Variants in KIDINS220 observed in about 807,000 individuals in gnomAD.
KIDINS220 encodes kinase D-interacting substrate of 220 kDa.
KIDINS220 carries 63 observed loss-of-function variants against 157.6 expected under a neutral mutation model. The ratio of observed to expected loss-of-function variants is 0.40; its 90% CI spans 0.33 to 0.49. The LOEUF (loss-of-function observed/expected upper bound fraction) is 0.49, where lower values mean the gene tolerates loss of function less well. Ranked by LOEUF, KIDINS220 falls within the 20% of genes least tolerant of loss-of-function variation. The pLI, the probability that KIDINS220 is intolerant of heterozygous loss-of-function variation, is 0.66. For synonymous variants in KIDINS220, 732 were observed against 783.6 expected, an observed-to-expected ratio of 0.93 and a Z score of 1.10; for missense variants, 1,772 against 2,171.2, an observed-to-expected ratio of 0.82 and a Z score of 3.65.
chr2:8,786,285 G>A lies in KIDINS220; in HGVS notation c.1860C>T (p.Thr620=). The change falls in exon 16 of 30, where the codon ACC becomes ACT. Residue 620 remains threonine (T), a synonymous_variant. Coordinates refer to ENST00000256707, the MANE Select transcript of KIDINS220 (RefSeq NM_020738.4). The part of the protein sequence containing the change: ...GETSLAEMIA[T]LSDACEREFG... ...ACTCTCTTTCACAAGCATCCGAGAG[G>A]GTTGCAATCATTTCAGCCAGAGAAG... 2.5e-6 allele frequency: 4 copies of A among 1,614,018 alleles called. No homozygotes were observed. Among genetic ancestry groups the A allele is most frequent in the Non-Finnish European group, 3.4e-6 (4 of 1,179,952 alleles).
chr2:8,759,523 A>AT (rs1668475270), intron 22 of KIDINS220, among the ~76,000 whole-genome samples: 1 of 150,408 alleles, frequency 6.6e-6, no homozygotes, highest in South Asian at 2.2e-4. Context: ...ACTCAGTAGA[A>AT]TGTCATCATA....
chr2:8,804,364 T>C (rs560978579), intron 7 of KIDINS220, among the ~76,000 whole-genome samples: 4 of 152,372 alleles, frequency 2.6e-5, no homozygotes, highest in African/African-American at 9.6e-5. Context: ...GTCTGTATTA[T>C]TTTAACTGTT....
At position 8,790,072 on chromosome 2, in the gene KIDINS220, T is replaced by G; in HGVS notation, c.1442-13A>C. 1.3e-6 allele frequency: 2 copies of G among 1,579,828 alleles called. No individual in the cohort carries two copies. The highest frequency in any genetic ancestry group is 1.4e-5 in the African/African-American group (1 of 72,800). On this transcript the variant is annotated splice_polypyrimidine_tract_variant and intron_variant, in intron 13 of 29. Transcript: ENST00000256707. ...GTTTTCATTTCGTCTGAAAGAGAATTTAATACGAAACCTTATTCCTGTTTT... is the reference window on the plus strand; with the variant it reads ...GTTTTCATTTCGTCTGAAAGAGAATGTAATACGAAACCTTATTCCTGTTTT...
chr2:8,819,260 C>T (rs1050705443), intron 2 of KIDINS220, among the ~76,000 whole-genome samples: 1 of 152,112 alleles, frequency 6.6e-6, no homozygotes, highest in African/African-American at 2.4e-5. Context: ...ATGTATAATA[C>T]ACATATGTAG....
chr2:8,735,886 C>T (rs1664787391), intron 27 of KIDINS220, among the ~76,000 whole-genome samples: 1 of 152,172 alleles, frequency 6.6e-6, no homozygotes, highest in Non-Finnish European at 1.5e-5. Context: ...GGGGAGAAAA[C>T]CACTACCCCG....
chr2:8,837,349 C>G (rs1680578749), intron 1 of KIDINS220, 131 bp downstream of exon 1: 1 of 152,176 alleles, frequency 6.6e-6, no homozygotes, highest in South Asian at 2.1e-4. Context: ...GGTCCGAGCT[C>G]GCCCCTTCCG....
intron 28 of KIDINS220, 118 bp downstream of exon 28, chr2:8,734,536 GA>G: frequency 1.6e-6 from 1 of 636,520 alleles, no homozygotes; most frequent in Non-Finnish European, 2.5e-6. Flanking sequence ...AAAAAAATAT[GA>G]AAAAAATACC....
intron 6 of KIDINS220, among the ~76,000 whole-genome samples, chr2:8,807,255 C>T (rs1675582132): frequency 6.6e-6 from 1 of 152,208 alleles, no homozygotes; most frequent in Non-Finnish European, 1.5e-5. Flanking sequence ...ATTCAAAAGG[C>T]ATCCAGGAAT....
At chr2:8,824,331 T>C (rs1678431312) in intron 2 of KIDINS220, among the ~76,000 whole-genome samples, 1 of 152,196 alleles carries the variant, frequency 6.6e-6, no homozygotes, top group South Asian at 2.1e-4. Context: ...TAACATTAAA[T>C]GATATTAGGT....
intron 21 of KIDINS220, among the ~76,000 whole-genome samples, chr2:8,772,432 C>T (rs1439422122): frequency 1.3e-5 from 2 of 151,858 alleles, no homozygotes; most frequent in African/African-American, 4.8e-5. Context: ...GCCAAGATCA[C>T]ACCACCGCAC....
Position 8,749,161 on chromosome 2 carries a change from TTA to T in KIDINS220, c.3414+949_3414+950del, listed in dbSNP as rs772587266. On this transcript the variant is annotated intron_variant, in intron 24 of 29. Coordinates refer to ENST00000256707, the MANE Select transcript of KIDINS220 (RefSeq NM_020738.4). ...GACTCTTTAAACAGTACCTAATTACTTATATGGCCACCATTTTTCAAAAACTG... is the reference window on the plus strand; with the variant it reads ...GACTCTTTAAACAGTACCTAATTACTTATGGCCACCATTTTTCAAAAACTG... Among the ~76,000 whole-genome samples, 194 of 152,356 alleles carry T rather than the reference TTA, an allele frequency of 1.3e-3. 2 individuals are homozygous for T. The highest frequency in any genetic ancestry group is 4.0e-4 in the Non-Finnish European group (27 of 68,016).
At position 8,812,510 on chromosome 2, in the gene KIDINS220, G is replaced by A. The variant is rs770987912; in HGVS notation, c.406-17C>T. 3 of 1,456,188 alleles carry A rather than the reference G, an allele frequency of 2.1e-6. No homozygotes were observed. The highest frequency in any genetic ancestry group is 1.4e-5 in the African/African-American group (1 of 69,660). 90.2% of individuals were successfully genotyped at this position (1,456,188 alleles called of 1,614,324 possible). A position where few individuals can be genotyped will look rare whatever the true frequency, so the allele number is the denominator to read the frequency against. On this transcript the variant is annotated splice_polypyrimidine_tract_variant and intron_variant, in intron 5 of 29. Coordinates refer to ENST00000256707, the MANE Select transcript of KIDINS220 (RefSeq NM_020738.4). ...AACACTGTACTGCTAGGATAGATTG[G>A]TTGGTAGGTAGGTAGATAAGTAGGA...
chr2:8,797,317 T>G (rs1411179336), intron 10 of KIDINS220, among the ~76,000 whole-genome samples: 2 of 152,206 alleles, frequency 1.3e-5, no homozygotes, highest in Non-Finnish European at 2.9e-5. Flanking sequence ...ACAAGCAGTA[T>G]GCCTTCAGAA....
rs1346341588 is a variant in KIDINS220 at position 8,798,262 on chromosome 2, T to C, written c.939A>G (p.Gly313=). The C allele has an allele frequency of 6.2e-7, 1 of 1,612,276 alleles. No individual in the cohort carries two copies. Among genetic ancestry groups the C allele is most frequent in the Non-Finnish European group, 8.5e-7 (1 of 1,178,526 alleles). The stretch of plus-strand genomic sequence containing the variant: ...AGATATCTCTCACCATTGTTGCATT[T>C]CCTTTCTCAACAGCCCAATACAAAG... The part of the protein sequence containing the change: ...KTALYWAVEK[G]NATMVRDILQ... Residue 313 remains glycine (G), a synonymous_variant, in exon 10 of 30, where the codon GGA becomes GGG. Coordinates refer to ENST00000256707, the MANE Select transcript of KIDINS220 (RefSeq NM_020738.4).
chr2:8,787,214 CCTTTT>C (rs1289875174), intron 15 of KIDINS220, among the ~76,000 whole-genome samples: 1 of 151,872 alleles, frequency 6.6e-6, no homozygotes, highest in Non-Finnish European at 1.5e-5. Flanking sequence ...ACTTTTAAAT[CCTTTT>C]CTTAATACTT....
Position 8,744,379 on chromosome 2 carries a change from AAAAAAAAAAATATATATATATAATATAT to A in KIDINS220, c.3585+2738_3585+2765del, listed in dbSNP as rs1352731641. Among the ~76,000 whole-genome samples, 106 of 26,564 alleles carry A rather than the reference AAAAAAAAAAATATATATATATAATATAT, an allele frequency of 4.0e-3. 2 individuals carry two copies. Among genetic ancestry groups the A allele is most frequent in the South Asian group, 0.014 (8 of 560 alleles). The allele number at this position is 26,564 out of a possible 152,430, so 17.4% of individuals were successfully genotyped here. A position where few individuals can be genotyped will look rare whatever the true frequency, so the allele number is the denominator to read the frequency against. On this transcript the variant is annotated intron_variant, in intron 26 of 29. Coordinates refer to ENST00000256707, the MANE Select transcript of KIDINS220 (RefSeq NM_020738.4). ...TCCTCATGGCAAAAAAAAAAAAAAA[AAAAAAAAAAATATATATATATAATATAT>A]ATATATATATATATATATATATATA... is the stretch of plus-strand genomic sequence containing the variant.
chr2:8,819,779 C>T (rs907977896), intron 2 of KIDINS220, among the ~76,000 whole-genome samples: 3 of 151,976 alleles, frequency 2.0e-5, no homozygotes, highest in African/African-American at 2.4e-5. Flanking sequence ...GAGCTGAGAT[C>T]GCATCACTGC....
At chr2:8,721,727 G>C (rs1263959801), downstream of KIDINS220, 3 of 152,224 alleles carry the variant, frequency 2.0e-5, no homozygotes, top group Non-Finnish European at 4.4e-5. Context: ...GCGGCACCTG[G>C]AGCCACACTG....
intron 2 of KIDINS220, among the ~76,000 whole-genome samples, chr2:8,824,824 A>G (rs987712339): frequency 6.6e-5 from 10 of 152,356 alleles, no homozygotes; most frequent in African/African-American, 2.2e-4. Flanking sequence ...CGTACATACA[A>G]TGAAATATTA....
Sources: gnomAD v4.1 joint callset for allele counts (sites outside exome capture counted in the v4.1 genomes callset) on GRCh38, gnomAD v4.1.1 for gene constraint, MANE v1.5 for transcripts, NCBI Gene and HGNC (gene_info 2026-07-23, HGNC 2026-07-21) for gene names.